Variants in ROBO1 observed in about 807,000 individuals in gnomAD.
The protein encoded by ROBO1 is roundabout homolog 1.
ROBO1 carries 149 observed loss-of-function variants against 195.9 expected under a neutral mutation model. The ratio of observed to expected loss-of-function variants is 0.76; its 90% CI spans 0.67 to 0.87. ROBO1 has a LOEUF of 0.87. Among genes scored for constraint, ROBO1 ranks in the 40% least tolerant of loss-of-function variants. ROBO1 has a pLI of 0.00. For synonymous variants in ROBO1, 816 were observed against 733.2 expected (o/e 1.11, Z -1.82); for missense variants, 1,933 against 2,068.3 (o/e 0.93, Z 1.27).
At chr3:79,114,475 C>T (rs1257587688) in intron 3 of ROBO1, among the ~76,000 whole-genome samples, 1 of 152,138 alleles carries the variant, frequency 6.6e-6, no homozygotes, top group African/African-American at 2.4e-5. Context: ...TTCTTTATTC[C>T]TCTGGGATGT....
chr3:79,656,478 T>C (rs1366537475), intron 1 of ROBO1, among the ~76,000 whole-genome samples: 2 of 152,118 alleles, frequency 1.3e-5, no homozygotes, highest in Admixed American at 1.3e-4. Flanking sequence ...AATAATAGTA[T>C]ACTTTATTGA....
intron 2 of ROBO1, among the ~76,000 whole-genome samples, chr3:79,568,646 T>TC (rs1331714925): frequency 6.6e-6 from 1 of 152,040 alleles, no homozygotes; most frequent in Non-Finnish European, 1.5e-5. Flanking sequence ...TGCTTGTCTG[T>TC]CCTTTGTTCT....
chr3:79,657,509 T>C lies in ROBO1; in HGVS notation c.-50-67548A>G, dbSNP rs574306856. ...AGAAAGGAAACTTAAAATATCTTAA[T>C]CAACAAATAAAAGTTTCATTTACTA... On this transcript the variant is annotated intron_variant, in intron 1 of 30. Transcript: ENST00000464233. Among the ~76,000 whole-genome samples, 44 of 152,030 alleles carry C rather than the reference T, an allele frequency of 2.9e-4. No homozygotes were observed. The South Asian group carries it at 5.4e-3, about 19-fold the overall frequency.
chr3:78,920,624 G>GTTTTTTTTTT (rs34364869), intron 4 of ROBO1, among the ~76,000 whole-genome samples: 5 of 60,962 alleles, frequency 8.2e-5, no homozygotes, highest in African/African-American at 3.7e-4. Flanking sequence ...CTTTCTTTCA[G>GTTTTTTTTTT]TTTTTTTTTT....
intron 4 of ROBO1, among the ~76,000 whole-genome samples, chr3:78,891,312 A>G (rs1400128908): frequency 6.6e-6 from 1 of 152,096 alleles, no homozygotes; most frequent in South Asian, 2.1e-4. Flanking sequence ...TCTTGGACAG[A>G]CATTTCGCAA....
intron 1 of ROBO1, among the ~76,000 whole-genome samples, chr3:79,757,244 C>A (rs1704454878): frequency 6.6e-6 from 1 of 152,052 alleles, no homozygotes; most frequent in African/African-American, 2.4e-5. Context: ...ATATTATTTC[C>A]ACAGTGCCTG....
At chr3:78,940,189 C>T (rs1255372647) in intron 3 of ROBO1, among the ~76,000 whole-genome samples, 1 of 151,904 alleles carries the variant, frequency 6.6e-6, no homozygotes, top group Non-Finnish European at 1.5e-5. Context: ...CTTTCTGTCC[C>T]CTAGTTCTTT....
rs150794770 is a variant in ROBO1 at position 78,809,828 on chromosome 3, C to T, written c.500-62928G>A. ...ACACAGGGAGGGGAACATCACACAC[C>T]GAAGCCTCTTGAGGGTGGGAGCTAG... On this transcript the variant is annotated intron_variant, in intron 4 of 30. Transcript: ENST00000464233. Among the ~76,000 whole-genome samples the T allele has an allele frequency of 8.0e-3, 1,209 of 151,626 alleles. 11 individuals carry two copies. Among genetic ancestry groups the T allele is most frequent in the Middle Eastern group, 0.017 (5 of 294 alleles).
intron 2 of ROBO1, among the ~76,000 whole-genome samples, chr3:79,127,357 T>C (rs979440344): frequency 3.9e-5 from 6 of 152,200 alleles, no homozygotes; most frequent in African/African-American, 1.4e-4. Context: ...AGAAATTGCT[T>C]GGTCAAATGC....
chr3:78,999,239 A>G (rs1387246035), intron 3 of ROBO1, among the ~76,000 whole-genome samples: 1 of 152,138 alleles, frequency 6.6e-6, no homozygotes, highest in Non-Finnish European at 1.5e-5. Flanking sequence ...ATCGACCTAC[A>G]AAAAGATAAA....
At chr3:79,002,729 T>C (rs921938766) in intron 3 of ROBO1, among the ~76,000 whole-genome samples, 16 of 152,252 alleles carry the variant, frequency 1.1e-4, no homozygotes, top group Admixed American at 7.9e-4. Context: ...TTCAATTTCA[T>C]CTTTGCTTTC....
chr3:79,006,279 T>C (rs574877195), intron 3 of ROBO1, among the ~76,000 whole-genome samples: 1 of 152,296 alleles, frequency 6.6e-6, no homozygotes, highest in South Asian at 2.1e-4. Flanking sequence ...AAGGAGAAGC[T>C]TTTGGTTAAG....
chr3:79,349,788 A>T (rs544633590), intron 2 of ROBO1, among the ~76,000 whole-genome samples: 24 of 152,214 alleles, frequency 1.6e-4, no homozygotes, highest in Admixed American at 6.5e-4. Flanking sequence ...CTTGTTTCAC[A>T]CCGTGTACAA....
At chr3:79,318,933 T>C (rs1377209212) in intron 2 of ROBO1, among the ~76,000 whole-genome samples, 1 of 152,210 alleles carries the variant, frequency 6.6e-6, no homozygotes, top group African/African-American at 2.4e-5. Context: ...TTGAATTATA[T>C]GCAAACTTAC....
chr3:78,910,220 G>A (rs1008789821), intron 4 of ROBO1, among the ~76,000 whole-genome samples: 56 of 151,728 alleles, frequency 3.7e-4, no homozygotes, highest in Admixed American at 2.0e-4. Context: ...TAAGGATCCT[G>A]CGTGTTCCTA....
chr3:78,703,431 C>G (rs1381216022), intron 8 of ROBO1, among the ~76,000 whole-genome samples: 1 of 152,156 alleles, frequency 6.6e-6, no homozygotes, highest in African/African-American at 2.4e-5. Context: ...GCAGCCTGCT[C>G]ACAAAGAGCT....
chr3:79,675,462 G>A (rs1489350544), intron 1 of ROBO1, among the ~76,000 whole-genome samples: 1 of 151,970 alleles, frequency 6.6e-6, no homozygotes, highest in Non-Finnish European at 1.5e-5. Flanking sequence ...GCATGTACAG[G>A]AGCTGCTATT....
intron 1 of ROBO1, among the ~76,000 whole-genome samples, chr3:79,658,583 CTTTT>C (rs1326294663): frequency 3.3e-5 from 5 of 151,698 alleles, no homozygotes; most frequent in African/African-American, 1.2e-4. Flanking sequence ...ATTTATTTTA[CTTTT>C]TTATTTTTAA....
At chr3:78,714,320 C>T (rs1182914449) in intron 8 of ROBO1, 77 bp downstream of exon 8, 8 of 1,429,890 alleles carry the variant, frequency 5.6e-6, no homozygotes, top group Admixed American at 4.3e-5. Flanking sequence ...TAGCCCTATA[C>T]ATAATATTTT....
Sources: gnomAD v4.1 joint callset for allele counts (sites outside exome capture counted in the v4.1 genomes callset) on GRCh38, gnomAD v4.1.1 for gene constraint, MANE v1.5 for transcripts, NCBI Gene and HGNC (gene_info 2026-07-23, HGNC 2026-07-21) for gene names.